Variants in RYR1 observed in about 807,000 individuals in gnomAD.
RYR1 encodes the protein ryanodine receptor 1.
In RYR1, 342 loss-of-function variants were observed where a neutral mutation model predicts 583.5. The observed-to-expected ratio is 0.59, with a 90% CI of 0.54 to 0.64. The LOEUF is 0.64. Among genes scored for constraint, RYR1 ranks in the 30% least tolerant of loss-of-function variants. RYR1 has a pLI of 0.00. For synonymous variants in RYR1, 2,791 were observed against 2,822.5 expected (o/e 0.99, Z 0.35); for missense variants, 6,032 against 6,917.2 (o/e 0.87, Z 4.54).
In RYR1 at chr19:38,561,537, C is replaced by T. The variant is rs766046326; in HGVS notation, c.12624+83C>T. The T allele has an allele frequency of 4.2e-5, 56 of 1,341,128 alleles. No homozygotes were observed. Among genetic ancestry groups the T allele is most frequent in the African/African-American group, 1.3e-4 (9 of 69,960 alleles). 83.1% of individuals were successfully genotyped at this position (1,341,128 alleles called of 1,614,324 possible). On this transcript the variant is annotated intron_variant, in intron 90 of 105. Coordinates refer to ENST00000359596, the MANE Select transcript of RYR1 (RefSeq NM_000540.3). This position sits in a 1 kb window ranked among gnomAD's most constrained non-coding sequence, Gnocchi z 4.8. ...TCACTTCCTGCACCCTCAGACCCCA[C>T]GGGGGCTGTGCGTGCCTCGCATATC... is the stretch of plus-strand genomic sequence containing the variant.
At chr19:38,445,028 A>C (rs1972871511) in intron 7 of RYR1, among the ~76,000 whole-genome samples, 1 of 151,900 alleles carries the variant, frequency 6.6e-6, no homozygotes, top group African/African-American at 2.4e-5. Flanking sequence ...AGGCCGAGGC[A>C]GGTGGATCAC....
chr19:38,475,560 A>G, intron 29 of RYR1, 110 bp downstream of exon 29: 1 of 1,324,758 alleles, frequency 7.5e-7, no homozygotes, highest in Non-Finnish European at 1.1e-6. Flanking sequence ...TACACTGGGG[A>G]CTCCCCAATA....
intron 11 of RYR1, among the ~76,000 whole-genome samples, chr19:38,450,694 C>A (rs1600662011): frequency 6.6e-6 from 1 of 152,018 alleles, no homozygotes; most frequent in East Asian, 1.9e-4. Flanking sequence ...GCTGCCTCCA[C>A]CCTAAGCTTT....
chr19:38,523,347 G>A (rs1179287208), intron 69 of RYR1, 38 bp downstream of exon 69: 2 of 1,613,106 alleles, frequency 1.2e-6, no homozygotes, highest in Admixed American at 3.3e-5. Context: ...TTGGCAGAGA[G>A]GGCGGGAGCA....
intron 101 of RYR1, among the ~76,000 whole-genome samples, chr19:38,583,778 A>G (rs58631698): frequency 1.1e-3 from 168 of 151,950 alleles, no homozygotes; most frequent in Non-Finnish European, 2.0e-3. Context: ...CAGGCCTGAC[A>G]TACACACACA....
Position 38,483,499 on chromosome 19 carries a change from C to T in RYR1, c.4917C>T (p.His1639=). 6.4e-7 allele frequency: 1 copy of T among 1,552,406 alleles called. No individual in the cohort carries two copies. Residue 1639 remains histidine (H), a synonymous_variant, in exon 33 of 106, where the codon CAC becomes CAT. Transcript: ENST00000359596. This position sits in a 1 kb window ranked among gnomAD's most constrained non-coding sequence, Gnocchi z 6.3. The part of the protein sequence containing the change: ...CQEPLTMMAL[H]IPEENRCMDI... ...AGCCGCTGACCATGATGGCGCTGCA[C>T]ATCCCCGAGGAGAACCGGTCAGGGC...
intron 71 of RYR1, among the ~76,000 whole-genome samples, chr19:38,525,911 T>C (rs1164100631): frequency 6.6e-6 from 1 of 151,538 alleles, no homozygotes; most frequent in African/African-American, 2.4e-5. Flanking sequence ...CCTTGGGACC[T>C]ACTGAGACCC....
In RYR1 at chr19:38,501,006, C is replaced by A. The variant is rs557965577; in HGVS notation, c.7614+16C>A. The A allele has an allele frequency of 7.4e-6, 12 of 1,610,936 alleles. No individual in the cohort carries two copies. In the African/African-American group the frequency reaches 1.5e-4, roughly 20 times the overall value. On this transcript the variant is annotated intron_variant, in intron 47 of 105. Coordinates refer to ENST00000359596, the MANE Select transcript of RYR1 (RefSeq NM_000540.3). ...GCTGGACACGGTGAGCAACCCTGCC[C>A]AGCCTGGCCACCCTCCCCACTTCCA...
In RYR1 at chr19:38,565,144, G is replaced by A; in HGVS notation, c.12810G>A (p.Ala4270=). 6.6e-7 allele frequency: 1 copy of A among 1,521,196 alleles called. No individual in the cohort carries two copies. Among genetic ancestry groups the A allele is most frequent in the Non-Finnish European group, 8.8e-7 (1 of 1,138,258 alleles). 94.2% of individuals were successfully genotyped at this position (1,521,196 alleles called of 1,614,324 possible). ...DEDEGAGAAE[A]GAEGAEEGAA... ...ACGAGGGCGCGGGCGCGGCGGAGGC[G>A]GGCGCGGAAGGCGCGGAGGAGGGCG... Residue 4270 remains alanine (A), a synonymous_variant, in exon 91 of 106, where the codon GCG becomes GCA. Transcript: ENST00000359596. This position sits in a 1 kb window ranked among gnomAD's most constrained non-coding sequence, Gnocchi z 4.7.
intron 89 of RYR1, 146 bp from the exon 90 acceptor site, chr19:38,560,967 A>C: frequency 1.4e-6 from 1 of 693,910 alleles, no homozygotes. Flanking sequence ...ACGAGAGGGG[A>C]TGTCTTGAGG....
rs1413503831 is a variant in RYR1 at position 38,535,218 on chromosome 19, C to G, written c.11437C>G (p.Gln3813Glu). 1 of 1,614,092 alleles carries G rather than the reference C, an allele frequency of 6.2e-7. No homozygotes were observed. Among genetic ancestry groups the G allele is most frequent in the Admixed American group, 1.7e-5 (1 of 60,006 alleles). ...ILNGGNAEVQ[Q>E]KMLDYLKDKK... Reference sequence around the variant, plus strand: ...CAATGGAGGCAATGCTGAGGTCCAGCAGGTAACAGAGGCAAAGGGACTTCA... The same window carrying G: ...CAATGGAGGCAATGCTGAGGTCCAGGAGGTAACAGAGGCAAAGGGACTTCA... Residue 3813 changes from glutamine (Q) to glutamate (E), a missense_variant and splice_region_variant, in exon 80 of 106, where the codon CAG (glutamine) becomes GAG (glutamate). Gln to Glu is a conservative substitution (Grantham distance 29). Around this residue, in one of 11 missense-constraint regions of RYR1, gnomAD observed 1,493 missense variants for 1,715.5 expected, o/e 0.87. Transcript: ENST00000359596.
chr19:38,568,430 G>A (rs1973545173), intron 93 of RYR1, among the ~76,000 whole-genome samples: 1 of 151,992 alleles, frequency 6.6e-6, no homozygotes, highest in African/African-American at 2.4e-5. Flanking sequence ...CTCCAGGCCT[G>A]GCCCGATAGG....
At chr19:38,475,475 T>C in intron 29 of RYR1, 25 bp downstream of exon 29, 1 of 1,612,792 alleles carries the variant, frequency 6.2e-7, no homozygotes, top group Non-Finnish European at 8.5e-7. Context: ...CCCTCAATTT[T>C]GGGGTCCCCC....
intron 93 of RYR1, among the ~76,000 whole-genome samples, chr19:38,569,034 G>A (rs934663306): frequency 6.0e-5 from 9 of 151,216 alleles, no homozygotes; most frequent in East Asian, 3.9e-4. Context: ...TTTTTGAGAC[G>A]GAGTCTCGCT....
Position 38,548,316 on chromosome 19 carries a change from T to A in RYR1, c.12178T>A (p.Phe4060Ile). Residue 4060 changes from phenylalanine to isoleucine, a missense_variant, in exon 89 of 106, where the codon TTC (phenylalanine) becomes ATC (isoleucine). This residue lies in a region of RYR1 where 753 missense variants were observed against 759.6 expected (regional missense o/e 0.99). Coordinates refer to ENST00000359596, the MANE Select transcript of RYR1 (RefSeq NM_000540.3). ...SSSNVEMILK[F>I]FDMFLKLKDI... Reference sequence around the variant, plus strand: ...ATCCAATGTGGAGATGATCCTCAAGTTCTTCGACATGTTCCTGAAACTCAA... The same window carrying A: ...ATCCAATGTGGAGATGATCCTCAAGATCTTCGACATGTTCCTGAAACTCAA... 6.2e-7 allele frequency: 1 copy of A among 1,614,172 alleles called. No individual in the cohort carries two copies. The highest frequency in any genetic ancestry group is 8.5e-7 in the Non-Finnish European group (1 of 1,180,030).
In RYR1 at chr19:38,477,785, C is replaced by A; in HGVS notation, c.4369C>A (p.His1457Asn). The A allele has an allele frequency of 1.2e-6, 2 of 1,613,880 alleles. No homozygotes were observed. Among genetic ancestry groups the A allele is most frequent in the Non-Finnish European group, 1.7e-6 (2 of 1,179,940 alleles). ...VWAGWVTPDY[H>N]QHDMSFDLSK... Reference sequence around the variant, plus strand: ...GGCGGGCTGGGTCACCCCTGACTACCATCAGCACGACATGAGCTTCGACCT... The same window carrying A: ...GGCGGGCTGGGTCACCCCTGACTACAATCAGCACGACATGAGCTTCGACCT... Residue 1457 changes from histidine to asparagine, a missense_variant, in exon 30 of 106, where the codon CAT (histidine) becomes AAT (asparagine). Around this residue, in one of 11 missense-constraint regions of RYR1, gnomAD observed 2,627 missense variants for 2,961.3 expected, o/e 0.89. Transcript: ENST00000359596.
chr19:38,505,429 G>T (rs1436815634), intron 53 of RYR1, 31 bp downstream of exon 53: 7 of 1,480,080 alleles, frequency 4.7e-6, no homozygotes, highest in Admixed American at 3.6e-5. Flanking sequence ...AGCATTGAGG[G>T]TCAAAATGAA....
rs201940876 is a variant in RYR1 at position 38,469,015 on chromosome 19, C to T, written c.3431C>T (p.Pro1144Leu). ...GSEPFGRPWQ[P>L]GDVVGCMIDL... Reference sequence around the variant, plus strand: ...GAACCATTTGGGCGCCCCTGGCAGCCGGGCGATGTCGTTGGCTGTATGATC... The same window carrying T: ...GAACCATTTGGGCGCCCCTGGCAGCTGGGCGATGTCGTTGGCTGTATGATC... The change falls in exon 26 of 106, where the codon CCG (proline) becomes CTG (leucine). Residue 1144 changes from proline to leucine, a missense_variant. Coordinates refer to ENST00000359596, the MANE Select transcript of RYR1 (RefSeq NM_000540.3). 6.3e-5 allele frequency: 102 copies of T among 1,614,192 alleles called. 1 individual carries two copies. Among genetic ancestry groups the T allele is most frequent in the South Asian group, 6.3e-4 (57 of 91,086 alleles).
chr19:38,446,710 G>C lies in RYR1; in HGVS notation c.742G>C (p.Gly248Arg), dbSNP rs1801086. 6.2e-6 allele frequency: 10 copies of C among 1,613,844 alleles called. No individual in the cohort carries two copies. Among genetic ancestry groups the C allele is most frequent in the East Asian group, 2.2e-5 (1 of 44,904 alleles). Residue 248 changes from glycine (G) to arginine (R), a missense_variant, in exon 9 of 106, where the codon GGG (glycine) becomes CGG (arginine). Around this residue, in one of 11 missense-constraint regions of RYR1, gnomAD observed 338 missense variants for 441.6 expected, o/e 0.77. Coordinates refer to ENST00000359596, the MANE Select transcript of RYR1 (RefSeq NM_000540.3). The part of the protein sequence containing the change: ...DDQRRLVYYE[G>R]GAVCTHARSL... ...TGTCCCCAGACTTGTCTACTATGAG[G>C]GGGGAGCTGTGTGCACTCATGCCCG...
Sources: gnomAD v4.1 joint callset for allele counts (sites outside exome capture counted in the v4.1 genomes callset) on GRCh38, gnomAD v4.1.1 for gene constraint, gnomAD v4.1.1 regional missense constraint, Gnocchi (gnomAD v3.1) non-coding constraint, MANE v1.5 for transcripts, NCBI Gene and HGNC (gene_info 2026-07-23, HGNC 2026-07-21) for gene names.